TSPAN18: variants seen among roughly 807,000 people sequenced by gnomAD.
The protein encoded by TSPAN18 is tetraspanin 18, also known as tetraspanin-18.
In TSPAN18, 14 loss-of-function variants were observed where a neutral mutation model predicts 27.3. The ratio of observed to expected loss-of-function variants is 0.51; its 90% confidence interval spans 0.34 to 0.80. The LOEUF is 0.80. TSPAN18 is among the 30% of genes least tolerant of loss of function. The probability of loss-of-function intolerance (pLI) is 0.01; values close to 1 mark genes in which losing one functional copy is unlikely to be tolerated. For missense variants in TSPAN18, 268 were observed against 323.9 expected (o/e 0.83, Z 1.32); for synonymous variants, 143 against 136.5 (o/e 1.05, Z -0.33).
At chr11:44,747,300 C>T (rs1855103010) in intron 1 of TSPAN18, among the ~76,000 whole-genome samples, 3 of 152,350 alleles carry the variant, frequency 2.0e-5, no homozygotes, top group East Asian at 1.9e-4. Flanking sequence ...GCAAGGAGCT[C>T]GTTGCTTGGA....
intron 3 of TSPAN18, among the ~76,000 whole-genome samples, chr11:44,877,620 G>A (rs1590618247): frequency 6.6e-6 from 1 of 152,294 alleles, no homozygotes; most frequent in South Asian, 2.1e-4. Context: ...AGAAAGGGAG[G>A]GGACGGGGAG....
At chr11:44,897,204 C>T (rs948653775) in intron 3 of TSPAN18, among the ~76,000 whole-genome samples, 2 of 152,160 alleles carry the variant, frequency 1.3e-5, no homozygotes, top group East Asian at 1.9e-4. Context: ...CTTCTGAAAT[C>T]GAACCCTCAT....
At chr11:44,844,278 C>CT (rs112664612) in intron 2 of TSPAN18, among the ~76,000 whole-genome samples, 10,678 of 148,856 alleles carry the variant, frequency 0.072, 1,561 homozygotes, top group East Asian at 0.6. Context: ...GGATCGTTTC[C>CT]TTTTTTTTTT....
intron 2 of TSPAN18, among the ~76,000 whole-genome samples, chr11:44,786,456 C>T (rs1256257597): frequency 6.6e-6 from 1 of 151,136 alleles, no homozygotes; most frequent in Non-Finnish European, 1.5e-5. Context: ...GAGTGAAACT[C>T]GGTGATGTCC....
chr11:44,748,556 T>G (rs545718282), intron 1 of TSPAN18, among the ~76,000 whole-genome samples: 2 of 152,336 alleles, frequency 1.3e-5, no homozygotes, highest in South Asian at 4.1e-4. Context: ...ATATCAGTAT[T>G]TTAGCCTTTT....
intron 2 of TSPAN18, among the ~76,000 whole-genome samples, chr11:44,853,437 C>A (rs933151195): frequency 6.6e-6 from 1 of 152,054 alleles, no homozygotes; most frequent in African/African-American, 2.4e-5. Context: ...CCTGGAGGGG[C>A]CATTTCTGGG....
intron 5 of TSPAN18, among the ~76,000 whole-genome samples, chr11:44,912,321 T>C (rs2135346636): frequency 6.6e-6 from 1 of 151,996 alleles, no homozygotes; most frequent in African/African-American, 2.4e-5. Context: ...CACTTGGCCT[T>C]GTCTTTCTCT....
At chr11:44,788,351 G>A (rs972507444) in intron 2 of TSPAN18, among the ~76,000 whole-genome samples, 7 of 152,104 alleles carry the variant, frequency 4.6e-5, no homozygotes, top group African/African-American at 1.7e-4. Context: ...TGCAACCGAG[G>A]GACTAGCTTT....
intron 2 of TSPAN18, among the ~76,000 whole-genome samples, chr11:44,807,928 C>CA (rs1213355991): frequency 1.3e-5 from 2 of 152,146 alleles, no homozygotes; most frequent in Non-Finnish European, 1.5e-5. Context: ...AAGGGTTACT[C>CA]AAAGTAGAGG....
intron 1 of TSPAN18, among the ~76,000 whole-genome samples, chr11:44,741,786 C>T (rs547097386): frequency 1.3e-5 from 2 of 152,292 alleles, no homozygotes; most frequent in African/African-American, 4.8e-5. Flanking sequence ...ACGTTAGTTT[C>T]CTCATCTAGA....
chr11:44,796,323 T>G (rs1445655146), intron 2 of TSPAN18, among the ~76,000 whole-genome samples: 32 of 152,168 alleles, frequency 2.1e-4, no homozygotes, highest in Non-Finnish European at 1.5e-5. Context: ...GGTTTTCAGT[T>G]TTTACGATGT....
intron 2 of TSPAN18, among the ~76,000 whole-genome samples, chr11:44,859,215 T>C (rs762679361): frequency 6.6e-5 from 10 of 152,180 alleles, no homozygotes; most frequent in Non-Finnish European, 1.5e-4. Flanking sequence ...AGGGGACTAA[T>C]GTCTGGCAGA....
chr11:44,889,288 T>G (rs1024337504), intron 3 of TSPAN18, among the ~76,000 whole-genome samples: 1 of 152,180 alleles, frequency 6.6e-6, no homozygotes, highest in African/African-American at 2.4e-5. Flanking sequence ...CCCCTCTCCT[T>G]GAAGATGATT....
At chr11:44,895,628 C>T (rs1859015690) in intron 3 of TSPAN18, among the ~76,000 whole-genome samples, 1 of 152,348 alleles carries the variant, frequency 6.6e-6, no homozygotes, top group South Asian at 2.1e-4. Context: ...GGGGTGAGCC[C>T]ATTCCCAGCC....
At chr11:44,844,143 G>A (rs1590566146) in intron 2 of TSPAN18, among the ~76,000 whole-genome samples, 1 of 152,226 alleles carries the variant, frequency 6.6e-6, no homozygotes, top group Non-Finnish European at 1.5e-5. Flanking sequence ...ACTAATAAAT[G>A]TCCATAAAAT....
At chr11:44,920,180 C>A (rs1860074168) in intron 8 of TSPAN18, among the ~76,000 whole-genome samples, 181 bp downstream of exon 8, 2 of 152,180 alleles carry the variant, frequency 1.3e-5, no homozygotes, top group African/African-American at 4.8e-5. Context: ...TCTGTCCAAG[C>A]CCCTGAGATC....
chr11:44,735,778 G>A (rs987813143), intron 1 of TSPAN18, among the ~76,000 whole-genome samples: 2 of 152,078 alleles, frequency 1.3e-5, no homozygotes, highest in Non-Finnish European at 2.9e-5. Flanking sequence ...CACCACGCCT[G>A]GCTAATTTTT....
rs368962967 is a variant in TSPAN18, at chr11:44,927,162, G to A, written c.699+405G>A. On this transcript the variant is annotated intron_variant, in intron 9 of 9. Coordinates refer to ENST00000520358, the MANE Select transcript of TSPAN18 (RefSeq NM_130783.5). ...GCCTTTTCTCTGTGGGGTGTTCAGG[G>A]CCTACAGGGCCTTATTCATCCACAA... Among the ~76,000 whole-genome samples, 4 of 152,358 alleles carry A rather than the reference G, an allele frequency of 2.6e-5. No individual in the cohort carries two copies. In the South Asian group the frequency reaches 8.3e-4, roughly 32 times the overall value.
chr11:44,792,754 G>A (rs1166493607), intron 2 of TSPAN18, among the ~76,000 whole-genome samples: 5 of 152,184 alleles, frequency 3.3e-5, no homozygotes, highest in African/African-American at 7.2e-5. Context: ...CCTCCACCCC[G>A]GGGAAGTAGC....
Sources: gnomAD v4.1 joint callset for allele counts (sites outside exome capture counted in the v4.1 genomes callset) on GRCh38, gnomAD v4.1.1 for gene constraint, MANE v1.5 for transcripts, NCBI Gene and HGNC (gene_info 2026-07-23, HGNC 2026-07-21) for gene names.